Variants in PTCHD4 observed in about 807,000 individuals in gnomAD.
The protein encoded by PTCHD4 is patched domain-containing protein 4.
Under a neutral mutation model 58.1 loss-of-function variants are expected in PTCHD4, and 33 were observed. That is an observed-to-expected ratio of 0.57 (90% confidence interval 0.43 to 0.76). PTCHD4 has a LOEUF of 0.76. PTCHD4 is among the 30% of genes least tolerant of loss of function. PTCHD4 has a pLI of 0.00. For synonymous variants in PTCHD4, 478 were observed against 409.6 expected (o/e 1.17, Z -2.02); for missense variants, 1,058 against 1,027.1 (o/e 1.03, Z -0.41).
intron 3 of PTCHD4, among the ~76,000 whole-genome samples, chr6:48,049,005 G>C (rs1423081403): frequency 6.6e-6 from 1 of 151,944 alleles, no homozygotes; most frequent in Non-Finnish European, 1.5e-5. Context: ...TTCACTGTGA[G>C]GGATTTAGAT....
In PTCHD4 at chr6:47,859,453, T is replaced by G. The variant is rs954074908; in HGVS notation, c.*18850A>C. Among the ~76,000 whole-genome samples the G allele has an allele frequency of 6.6e-6, 1 of 152,038 alleles. No homozygotes were observed. The highest frequency in any genetic ancestry group is 2.4e-5 in the African/African-American group (1 of 41,430). ...ATCAGTAAGTTTACCTTAAAATGAC[T>G]TACTAGATAATGAGATACATCTAAT... On this transcript the variant is annotated 3_prime_UTR_variant, in exon 5 of 5. Coordinates refer to ENST00000339488, the MANE Select transcript of PTCHD4 (RefSeq NM_001384253.1).
intron 4 of PTCHD4, among the ~76,000 whole-genome samples, chr6:47,940,624 G>C (rs1021980888): frequency 2.0e-5 from 3 of 152,120 alleles, no homozygotes; most frequent in Middle Eastern, 3.2e-3. Context: ...CCTTGTAAAA[G>C]CTTGTGAAAA....
intron 4 of PTCHD4, among the ~76,000 whole-genome samples, chr6:47,928,084 A>C (rs2113899411): frequency 6.6e-6 from 1 of 152,288 alleles, no homozygotes; most frequent in East Asian, 1.9e-4. Context: ...CTTGTGGCCC[A>C]TGTGAGGCGT....
chr6:48,079,117 CAAAAA>C (rs398001467), intron 1 of PTCHD4, among the ~76,000 whole-genome samples: 2 of 73,188 alleles, frequency 2.7e-5, no homozygotes, highest in Admixed American at 1.4e-4. Context: ...AATTCCATCA[CAAAAA>C]AAAAAAAAAA....
intron 1 of PTCHD4, among the ~76,000 whole-genome samples, chr6:48,101,860 C>A (rs372244760): frequency 3.3e-5 from 5 of 152,222 alleles, no homozygotes; most frequent in African/African-American, 1.2e-4. Context: ...CTAATCAGGT[C>A]CTCTAATTAG....
At chr6:48,095,007 C>G (rs1376710312) in intron 1 of PTCHD4, among the ~76,000 whole-genome samples, 4 of 151,966 alleles carry the variant, frequency 2.6e-5, no homozygotes, top group Non-Finnish European at 1.5e-5. Flanking sequence ...ATTTTGGGGA[C>G]AGGGTAGTAT....
chr6:48,110,660 CAT>C (rs1041993382), intron 1 of PTCHD4, among the ~76,000 whole-genome samples: 33 of 150,588 alleles, frequency 2.2e-4, no homozygotes, highest in Non-Finnish European at 3.4e-4. Flanking sequence ...CACACACACA[CAT>C]ACACACACAA....
At chr6:47,920,348 G>A (rs936059807) in intron 4 of PTCHD4, among the ~76,000 whole-genome samples, 1 of 152,088 alleles carries the variant, frequency 6.6e-6, no homozygotes, top group African/African-American at 2.4e-5. Flanking sequence ...TGATTGTGTG[G>A]CTTGTGATTT....
chr6:48,076,603 C>T (rs1442235879), intron 1 of PTCHD4, among the ~76,000 whole-genome samples: 1 of 152,212 alleles, frequency 6.6e-6, no homozygotes, highest in East Asian at 1.9e-4. Flanking sequence ...CAATGACCAT[C>T]TTCTTGTATG....
chr6:47,916,272 A>G (rs1261119846), intron 4 of PTCHD4, among the ~76,000 whole-genome samples: 1 of 152,098 alleles, frequency 6.6e-6, no homozygotes, highest in East Asian at 1.9e-4. Flanking sequence ...AGAAATGTTA[A>G]TGGAGGAGGC....
intron 4 of PTCHD4, among the ~76,000 whole-genome samples, chr6:47,991,141 A>G (rs1335972448): frequency 6.6e-6 from 1 of 152,206 alleles, no homozygotes; most frequent in African/African-American, 2.4e-5. Flanking sequence ...TGTAAAAACC[A>G]TGAACCATGA....
chr6:48,068,598 G>T lies in PTCHD4; in HGVS notation c.49C>A (p.Arg17=), dbSNP rs1764888695. The T allele has an allele frequency of 2.5e-6, 4 of 1,577,656 alleles. No homozygotes were observed. Among genetic ancestry groups the T allele is most frequent in the Non-Finnish European group, 1.7e-6 (2 of 1,166,060 alleles). The change falls in exon 3 of 5, where the codon CGG becomes AGG. Residue 17 remains arginine (R), a synonymous_variant. Transcript: ENST00000339488. The surrounding 1 kb of genome is among the most constrained non-coding windows in gnomAD (Gnocchi z 4.2). ...PASWIWWRML[R]QVLRRGLQSF... Reference sequence around the variant, plus strand: ...TGGAGCCCTCTGCGAAGCACCTGCCGCAGCATCCTCCACCAGATCCAGCTC... The same window carrying T: ...TGGAGCCCTCTGCGAAGCACCTGCCTCAGCATCCTCCACCAGATCCAGCTC...
intron 3 of PTCHD4, among the ~76,000 whole-genome samples, chr6:48,067,246 G>A (rs1191264316): frequency 6.6e-6 from 1 of 152,158 alleles, no homozygotes; most frequent in African/African-American, 2.4e-5. Context: ...TGTAGAATGA[G>A]TTTAGAAATC....
chr6:47,932,678 T>C (rs1189062161), intron 4 of PTCHD4, among the ~76,000 whole-genome samples: 1 of 152,208 alleles, frequency 6.6e-6, no homozygotes, highest in Non-Finnish European at 1.5e-5. Flanking sequence ...AAACACAGTT[T>C]TGAAGGGCGC....
chr6:47,943,782 TC>T (rs767514569), intron 4 of PTCHD4, among the ~76,000 whole-genome samples: 4 of 152,072 alleles, frequency 2.6e-5, no homozygotes, highest in Non-Finnish European at 5.9e-5. Flanking sequence ...GAAGTTTCTT[TC>T]CCCTGGTTTA....
rs1764942161 is a variant in PTCHD4, at chr6:48,069,895, C to T, written c.-938G>A. Reference sequence around the variant, plus strand: ...TCCCCTGTGAGTGGAATTCCAGAAACAGACACTTCCAGACACACCAGGTAG... The same window carrying T: ...TCCCCTGTGAGTGGAATTCCAGAAATAGACACTTCCAGACACACCAGGTAG... On this transcript the variant is annotated 5_prime_UTR_variant, in exon 2 of 5. Coordinates refer to ENST00000339488, the MANE Select transcript of PTCHD4 (RefSeq NM_001384253.1). Among the ~76,000 whole-genome samples the T allele has an allele frequency of 6.6e-6, 1 of 151,962 alleles. No individual in the cohort carries two copies. The highest frequency in any genetic ancestry group is 2.4e-5 in the African/African-American group (1 of 41,354).
At chr6:47,944,408 AAT>A in intron 4 of PTCHD4, among the ~76,000 whole-genome samples, 1 of 152,262 alleles carries the variant, frequency 6.6e-6, no homozygotes, top group Non-Finnish European at 1.5e-5. Context: ...CTAGCAGGTG[AAT>A]ATGTTGTAAA....
chr6:48,074,483 T>G lies in PTCHD4; in HGVS notation c.-969-4557A>C, dbSNP rs936846452. 2.6e-5 allele frequency among the ~76,000 whole-genome samples: 4 copies of G among 152,194 alleles called. No homozygotes were observed. In the East Asian group the frequency reaches 7.7e-4, roughly 29 times the overall value. ...TGTCTTGTAAGAGTGAAGAAGCTTT[T>G]CCCAGAAGGCCTCCAGTAGATTTCC... is the stretch of plus-strand genomic sequence containing the variant. On this transcript the variant is annotated intron_variant, in intron 1 of 4. Transcript: ENST00000339488.
chr6:48,021,614 T>C (rs1562011533), intron 3 of PTCHD4, among the ~76,000 whole-genome samples: 1 of 86,894 alleles, frequency 1.2e-5, no homozygotes, highest in South Asian at 4.3e-4. Context: ...GCTAGCTTAT[T>C]TTTTTTTTCT....
Sources: gnomAD v4.1 joint callset for allele counts (sites outside exome capture counted in the v4.1 genomes callset) on GRCh38, gnomAD v4.1.1 for gene constraint, Gnocchi (gnomAD v3.1) non-coding constraint, MANE v1.5 for transcripts, NCBI Gene and HGNC (gene_info 2026-07-23, HGNC 2026-07-21) for gene names.